MGAM: variants seen among roughly 807,000 people sequenced by gnomAD.
The protein encoded by MGAM is maltase-glucoamylase, also known as alpha-1,4-glucosidase.
MGAM carries 253 observed loss-of-function variants against 358.8 expected under a neutral mutation model. The observed-to-expected ratio is 0.71, with a 90% CI of 0.64 to 0.78. The LOEUF is 0.78. MGAM is among the 30% of genes least tolerant of loss of function. MGAM has a pLI of 0.00. For missense variants in MGAM, 3,080 were observed against 3,432.6 expected (o/e 0.90, Z 2.57); for synonymous variants, 1,105 against 1,227.1 (o/e 0.90, Z 2.08).
chr7:142,042,006 TATAATATA>T (rs1808789376), intron 21 of MGAM, among the ~76,000 whole-genome samples: 1 of 13,642 alleles, frequency 7.3e-5, no homozygotes, highest in African/African-American at 3.2e-4. Flanking sequence ...ATATTATATA[TATAATATA>T]ATATATATAT....
chr7:142,053,112 G>A (rs1285441155), intron 26 of MGAM, 128 bp downstream of exon 26: 24 of 1,088,344 alleles, frequency 2.2e-5, no homozygotes, highest in South Asian at 6.4e-5. Flanking sequence ...TATCCAGAGA[G>A]CATTGAGAAA....
chr7:142,077,147 G>A (rs1740714468), intron 47 of MGAM, among the ~76,000 whole-genome samples: 1 of 146,080 alleles, frequency 6.8e-6, no homozygotes, highest in Admixed American at 6.9e-5. Context: ...GTGGGGAATA[G>A]CCTGACATTA....
At chr7:142,021,243 G>T (rs188353093) in intron 5 of MGAM, among the ~76,000 whole-genome samples, 160 bp downstream of exon 5, 4 of 152,090 alleles carry the variant, frequency 2.6e-5, no homozygotes, top group Non-Finnish European at 5.9e-5. Context: ...ATACAGAATA[G>T]CTTCCTTTAC....
intron 21 of MGAM, among the ~76,000 whole-genome samples, chr7:142,045,026 G>T (rs187373668): frequency 1.8e-5 from 1 of 56,318 alleles, no homozygotes; most frequent in South Asian, 5.9e-4. Context: ...TATGTATATT[G>T]TATACACGTG....
At chr7:142,034,647 C>T (rs1554465103) in intron 15 of MGAM, 23 bp from the exon 16 acceptor site, 2 of 1,607,492 alleles carry the variant, frequency 1.2e-6, no homozygotes, top group Admixed American at 3.4e-5. Context: ...CACATTGACT[C>T]CTTAAATCTC....
intron 70 of MGAM, among the ~76,000 whole-genome samples, 159 bp from the exon 71 acceptor site, chr7:142,105,655 C>T (rs1482919714): frequency 2.0e-5 from 3 of 152,364 alleles, no homozygotes; most frequent in East Asian, 3.9e-4. Flanking sequence ...AATTAGAAAA[C>T]ACCCTTCTCA....
At position 142,065,391 on chromosome 7, in the gene MGAM, C is replaced by T. The variant is rs777555213; in HGVS notation, c.4541C>T (p.Pro1514Leu). The change falls in exon 38 of 71, where the codon CCC (proline) becomes CTC (leucine). Residue 1514 changes from proline to leucine, a missense_variant. Coordinates refer to ENST00000475668, the MANE Select transcript of MGAM (RefSeq NM_001365693.1). ...GTCGTCATCACCCGCTCCACATTTC[C>T]CTCTTCTGGCCGCTGGGCAGGACAT... Reference protein sequence around the residue: ...RGVVITRSTFPSSGRWAGHWL... With the variant: ...RGVVITRSTFLSSGRWAGHWL... 6.2e-7 allele frequency: 1 copy of T among 1,610,986 alleles called. No homozygotes were observed. Among genetic ancestry groups the T allele is most frequent in the Non-Finnish European group, 8.5e-7 (1 of 1,178,644 alleles).
intron 55 of MGAM, 42 bp downstream of exon 55, chr7:142,086,003 G>A (rs1251387656): frequency 5.8e-6 from 9 of 1,542,126 alleles, no homozygotes; most frequent in Non-Finnish European, 6.2e-6. Context: ...TTGGGAGCAG[G>A]TATGGGTTTT....
intron 3 of MGAM, among the ~76,000 whole-genome samples, chr7:142,017,431 A>T (rs1205749418): frequency 1.3e-5 from 2 of 151,974 alleles, no homozygotes; most frequent in Non-Finnish European, 2.9e-5. Flanking sequence ...GTCTCTTCCC[A>T]CTTCTTGCAA....
chr7:142,034,485 A>C, intron 15 of MGAM, 106 bp downstream of exon 15: 1 of 993,842 alleles, frequency 1.0e-6, no homozygotes, highest in Non-Finnish European at 1.5e-6. Flanking sequence ...TTCTTAAGAC[A>C]AAACAAAGCA....
chr7:142,096,522 T>C, intron 65 of MGAM, 107 bp downstream of exon 65: 2 of 1,332,932 alleles, frequency 1.5e-6, no homozygotes, highest in Admixed American at 3.7e-5. Flanking sequence ...CATGGTTTCT[T>C]ATTCTACCTG....
intron 1 of MGAM, among the ~76,000 whole-genome samples, chr7:142,003,351 GTACTGGTA>G (rs1444101939): frequency 6.6e-6 from 1 of 152,050 alleles, no homozygotes; most frequent in Non-Finnish European, 1.5e-5. Flanking sequence ...AAACAGCACA[GTACTGGTA>G]TAGAAATAGA....
chr7:142,008,751 G>A lies in MGAM; in HGVS notation c.327+46G>A, dbSNP rs193207319. On this transcript the variant is annotated intron_variant, in intron 3 of 70. Transcript: ENST00000475668. Reference sequence around the variant, plus strand: ...TTCCATTTTAGAATTTATGCAACTTGATAGTTTATTTTTTTTTGTTGTTTT... The same window carrying A: ...TTCCATTTTAGAATTTATGCAACTTAATAGTTTATTTTTTTTTGTTGTTTT... The A allele has an allele frequency of 3.8e-6, 6 of 1,575,920 alleles. No individual in the cohort carries two copies. The African/African-American group carries it at 4.1e-5, about 11-fold the overall frequency.
Position 142,047,198 on chromosome 7 carries a change from A to G in MGAM, c.2499-587A>G, listed in dbSNP as rs113449943. 2.4e-3 allele frequency among the ~76,000 whole-genome samples: 363 copies of G among 152,274 alleles called. 2 individuals are homozygous for G. The highest frequency in any genetic ancestry group is 8.1e-3 in the African/African-American group (338 of 41,574). On this transcript the variant is annotated intron_variant, in intron 21 of 70. Transcript: ENST00000475668. ...TCCCCCTCTTCCTCTCTGTCCATCT[A>G]CTTTACCATGTATTTGAGTAATGTT...
Position 142,071,119 on chromosome 7 carries a change from GT to G in MGAM, c.5186+2del. ...AGCCTGCACTGAACACCCACTTAAG[GT>G]GAATGACAGGACTCAGGTTTTCCTT... On this transcript the variant is annotated splice_donor_variant, in intron 44 of 70. Coordinates refer to ENST00000475668, the MANE Select transcript of MGAM (RefSeq NM_001365693.1). LOFTEE classifies it high-confidence loss of function. 6.4e-7 allele frequency: 1 copy of G among 1,551,862 alleles called. No individual in the cohort carries two copies. Among genetic ancestry groups the G allele is most frequent in the Non-Finnish European group, 8.8e-7 (1 of 1,129,984 alleles).
At chr7:142,074,020 T>G in intron 44 of MGAM, 65 bp from the exon 45 acceptor site, 1 of 1,139,536 alleles carries the variant, frequency 8.8e-7, no homozygotes, top group Non-Finnish European at 1.3e-6. Flanking sequence ...GATGGAAATA[T>G]TCTCAGCCCA....
intron 21 of MGAM, among the ~76,000 whole-genome samples, chr7:142,042,642 TA>T (rs1294699901): frequency 1.8e-5 from 1 of 54,138 alleles, no homozygotes; most frequent in African/African-American, 6.6e-5. Flanking sequence ...ATATATAATA[TA>T]TAATATATAT....
intron 30 of MGAM, 70 bp from the exon 31 acceptor site, chr7:142,058,133 T>C (rs1249998996): frequency 1.2e-5 from 19 of 1,603,588 alleles, no homozygotes; most frequent in Admixed American, 1.7e-5. Flanking sequence ...AAAATATTCT[T>C]ATTACTTGAT....
chr7:142,030,932 C>A (rs1401489872), intron 12 of MGAM, among the ~76,000 whole-genome samples, 175 bp downstream of exon 12: 3 of 151,954 alleles, frequency 2.0e-5, no homozygotes, highest in African/African-American at 7.3e-5. Context: ...GCAAGCCGGC[C>A]ATCGTAGCTT....
Sources: gnomAD v4.1 joint callset for allele counts (sites outside exome capture counted in the v4.1 genomes callset) on GRCh38, gnomAD v4.1.1 for gene constraint, MANE v1.5 for transcripts, NCBI Gene and HGNC (gene_info 2026-07-23, HGNC 2026-07-21) for gene names.